TGFBR3: variants seen among roughly 807,000 people sequenced by gnomAD.
TGFBR3 encodes transforming growth factor beta receptor 3.
In TGFBR3, 46 loss-of-function variants were observed where a neutral mutation model predicts 87.9. The observed-to-expected ratio is 0.52, with a 90% CI of 0.41 to 0.67. The LOEUF (loss-of-function observed/expected upper bound fraction) is 0.67. Among genes scored for constraint, TGFBR3 ranks in the 30% least tolerant of loss-of-function variants. TGFBR3 has a pLI of 0.00. For synonymous variants in TGFBR3, 381 were observed against 391.6 expected (o/e 0.97, Z 0.32); for missense variants, 866 against 1,041.9 (o/e 0.83, Z 2.32).
chr1:91,795,752 T>C (rs1675359011), intron 3 of TGFBR3, among the ~76,000 whole-genome samples: 1 of 151,836 alleles, frequency 6.6e-6, no homozygotes, highest in African/African-American at 2.4e-5. Flanking sequence ...CCACAAACTC[T>C]CCCCCATCAG....
chr1:91,874,026 G>C (rs1020309650), intron 1 of TGFBR3, among the ~76,000 whole-genome samples: 1 of 152,020 alleles, frequency 6.6e-6, no homozygotes, highest in African/African-American at 2.4e-5. Flanking sequence ...TTCATGCCAG[G>C]ACTGTTCCAG....
intron 2 of TGFBR3, among the ~76,000 whole-genome samples, chr1:91,819,653 C>T (rs918264799): frequency 6.6e-6 from 1 of 152,132 alleles, no homozygotes; most frequent in Non-Finnish European, 1.5e-5. Flanking sequence ...TGCTGTCAGA[C>T]ACCAAGGTCT....
At chr1:91,709,441 A>C (rs1671905073) in intron 13 of TGFBR3, among the ~76,000 whole-genome samples, 1 of 152,222 alleles carries the variant, frequency 6.6e-6, no homozygotes, top group African/African-American at 2.4e-5. Flanking sequence ...TTGTATGGGG[A>C]CTGTCTATAC....
intron 3 of TGFBR3, among the ~76,000 whole-genome samples, chr1:91,759,264 G>T (rs543498899): frequency 6.6e-6 from 1 of 151,998 alleles, no homozygotes; most frequent in Non-Finnish European, 1.5e-5. Flanking sequence ...GAGAAAAAGC[G>T]GCTGCCAAGG....
chr1:91,886,361 G>A (rs569653758), upstream of TGFBR3: 4 of 354,484 alleles, frequency 1.1e-5, no homozygotes, highest in African/African-American at 2.2e-5. Flanking sequence ...TGATGGATGA[G>A]CCCCGAATGC....
chr1:91,813,990 T>C (rs986473524), intron 2 of TGFBR3, among the ~76,000 whole-genome samples: 7 of 152,208 alleles, frequency 4.6e-5, no homozygotes, highest in Non-Finnish European at 8.8e-5. Context: ...AGGTGGAGCT[T>C]AGGCAGTAAT....
chr1:91,888,009 T>G (rs1226246912), upstream of TGFBR3, among the ~76,000 whole-genome samples: 1 of 152,210 alleles, frequency 6.6e-6, no homozygotes, highest in Non-Finnish European at 1.5e-5. Context: ...TCTCGAATTG[T>G]AAGTCCCACA....
upstream of TGFBR3, chr1:91,886,362 C>T (rs2101317861): frequency 5.6e-6 from 2 of 354,586 alleles, no homozygotes; most frequent in Admixed American, 3.6e-5. Context: ...GATGGATGAG[C>T]CCCGAATGCT....
At chr1:91,883,762 T>A (rs1379424329) in intron 1 of TGFBR3, among the ~76,000 whole-genome samples, 1 of 149,080 alleles carries the variant, frequency 6.7e-6, no homozygotes, top group African/African-American at 2.5e-5. Context: ...AGTTGACAAA[T>A]GTCAAACTGA....
chr1:91,734,978 C>A lies in TGFBR3; in HGVS notation c.385-19G>T. 1 of 1,613,812 alleles carries A rather than the reference C, an allele frequency of 6.2e-7. No individual in the cohort carries two copies. Among genetic ancestry groups the A allele is most frequent in the South Asian group, 1.1e-5 (1 of 91,076 alleles). ...CAGACACCTAGAGGAAAGAGAATTG[C>A]GTATTTAACATGGTGCAGTCACCGG... is the stretch of plus-strand genomic sequence containing the variant. On this transcript the variant is annotated intron_variant, in intron 4 of 16. Transcript: ENST00000212355.
chr1:91,695,412 C>T (rs966320977), intron 16 of TGFBR3: 14 of 455,312 alleles, frequency 3.1e-5, no homozygotes, highest in South Asian at 2.8e-4. Context: ...TAAACTCTAA[C>T]AACAAAGTAG....
intron 16 of TGFBR3, among the ~76,000 whole-genome samples, chr1:91,687,634 A>G (rs1347064015): frequency 6.6e-6 from 1 of 152,068 alleles, no homozygotes; most frequent in Non-Finnish European, 1.5e-5. Flanking sequence ...TATTGCAAAT[A>G]CTCTCCATGA....
Position 91,834,580 on chromosome 1 carries a change from C to A in TGFBR3, c.61+26891G>T, listed in dbSNP as rs79599715. ...CTTGTGGCTACTCGAGAAACAGCAGCGAACAAGATAAGCAGTTTCTCCTCT... is the reference window on the plus strand; with the variant it reads ...CTTGTGGCTACTCGAGAAACAGCAGAGAACAAGATAAGCAGTTTCTCCTCT... On this transcript the variant is annotated intron_variant, in intron 2 of 16. Transcript: ENST00000212355. 4.8e-3 allele frequency among the ~76,000 whole-genome samples: 727 copies of A among 152,304 alleles called. 8 individuals carry two copies. Among genetic ancestry groups the A allele is most frequent in the African/African-American group, 0.017 (705 of 41,558 alleles).
chr1:91,760,719 G>T (rs1673927599), intron 3 of TGFBR3, among the ~76,000 whole-genome samples: 1 of 152,172 alleles, frequency 6.6e-6, no homozygotes. Context: ...GTGATGTCAA[G>T]TACAGCTACA....
At chr1:91,885,116 G>A (rs1679243470) in intron 1 of TGFBR3, among the ~76,000 whole-genome samples, 2 of 152,230 alleles carry the variant, frequency 1.3e-5, no homozygotes, top group Admixed American at 1.3e-4. Flanking sequence ...TCACTTCACA[G>A]CTAGGGAAAT....
chr1:91,811,869 T>G (rs1446206439), intron 2 of TGFBR3, among the ~76,000 whole-genome samples: 4 of 151,876 alleles, frequency 2.6e-5, no homozygotes, highest in Non-Finnish European at 5.9e-5. Flanking sequence ...TGTCATATGA[T>G]GTTTCAAAGC....
chr1:91,870,610 A>T (rs766819175), intron 1 of TGFBR3, among the ~76,000 whole-genome samples: 31 of 152,324 alleles, frequency 2.0e-4, no homozygotes, highest in Non-Finnish European at 3.2e-4. Flanking sequence ...AACACCTATC[A>T]TGTATATCAC....
intron 2 of TGFBR3, among the ~76,000 whole-genome samples, chr1:91,856,906 A>G (rs1677975581): frequency 6.6e-6 from 1 of 152,224 alleles, no homozygotes; most frequent in African/African-American, 2.4e-5. Context: ...TGGATTCTAG[A>G]GCCAAACTGC....
chr1:91,854,231 T>C (rs915174950), intron 2 of TGFBR3, among the ~76,000 whole-genome samples: 1 of 152,182 alleles, frequency 6.6e-6, no homozygotes, highest in South Asian at 2.1e-4. Flanking sequence ...AAGATGGCCA[T>C]GACCCCTGTA....
Sources: gnomAD v4.1 joint callset for allele counts (sites outside exome capture counted in the v4.1 genomes callset) on GRCh38, gnomAD v4.1.1 for gene constraint, MANE v1.5 for transcripts, NCBI Gene and HGNC (gene_info 2026-07-23, HGNC 2026-07-21) for gene names.